NEB: variants seen among roughly 807,000 people sequenced by gnomAD.
The protein encoded by NEB is nebulin.
NEB carries 512 observed loss-of-function variants against 952.2 expected under a neutral mutation model. The observed-to-expected ratio is 0.54, with a 90% confidence interval of 0.50 to 0.58. The LOEUF (loss-of-function observed/expected upper bound fraction) is 0.58, where lower values mean the gene tolerates loss of function less well. Among genes scored for constraint, NEB ranks in the 20% least tolerant of loss-of-function variants. The pLI, the probability that NEB is intolerant of heterozygous loss-of-function variation, is 0.00. For missense variants in NEB, 8,428 were observed against 9,231.1 expected, an observed-to-expected ratio of 0.91 and a Z score of 3.56; for synonymous variants, 2,900 against 3,149.8, an observed-to-expected ratio of 0.92 and a Z score of 2.66.
chr2:151,716,298 C>G (rs2099759207), intron 10 of NEB: 1 of 285,048 alleles, frequency 3.5e-6, no homozygotes, highest in Admixed American at 4.6e-5. Flanking sequence ...GCCACCACGC[C>G]TGGCTAATTT....
intron 162 of NEB, among the ~76,000 whole-genome samples, chr2:151,507,303 C>G (rs974056250): frequency 1.2e-4 from 19 of 152,206 alleles, no homozygotes; most frequent in African/African-American, 4.6e-4. Context: ...AGTGATAGTT[C>G]ACATTCAGTA....
chr2:151,610,178 G>A, intron 80 of NEB, 58 bp from the exon 81 acceptor site: 1 of 1,338,106 alleles, frequency 7.5e-7, no homozygotes, highest in Non-Finnish European at 1.0e-6. Flanking sequence ...CTCATGTGCT[G>A]ACAATTACAG....
intron 9 of NEB, among the ~76,000 whole-genome samples, chr2:151,718,948 G>A (rs923435548): frequency 2.6e-5 from 4 of 151,992 alleles, no homozygotes; most frequent in Non-Finnish European, 5.9e-5. Context: ...GATGCTTCAC[G>A]GCCTCGTACA....
At chr2:151,534,226 G>T (rs2153521056) in intron 142 of NEB, 1 of 1,613,192 alleles carries the variant, frequency 6.2e-7, no homozygotes, top group Non-Finnish European at 8.5e-7. Context: ...TGACTGATCT[G>T]GTCGCCTGCG....
chr2:151,631,463 C>A, intron 65 of NEB, 117 bp from the exon 66 acceptor site: 3 of 1,141,102 alleles, frequency 2.6e-6, no homozygotes, highest in African/African-American at 1.6e-5. Flanking sequence ...AAAACAAGCG[C>A]GTTGTATAAG....
At chr2:151,605,819 G>T (rs2097685994) in intron 84 of NEB, among the ~76,000 whole-genome samples, 2 of 95,694 alleles carry the variant, frequency 2.1e-5, no homozygotes, top group South Asian at 5.8e-4. Flanking sequence ...TATTTTTTTT[G>T]AAACGCAGTT....
intron 162 of NEB, chr2:151,507,720 T>C: frequency 2.9e-6 from 1 of 349,904 alleles, no homozygotes; most frequent in South Asian, 6.8e-5. Context: ...AATCTGTCTT[T>C]TGTTACAGGG....
intron 23 of NEB, 43 bp downstream of exon 23, chr2:151,691,821 G>T: frequency 7.4e-7 from 1 of 1,355,586 alleles, no homozygotes; most frequent in Non-Finnish European, 1.0e-6. Flanking sequence ...GATGTCACAG[G>T]AATCCCAAGC....
At chr2:151,718,899 C>A (rs529963270) in intron 9 of NEB, among the ~76,000 whole-genome samples, 1 of 152,308 alleles carries the variant, frequency 6.6e-6, no homozygotes, top group South Asian at 2.1e-4. Flanking sequence ...TCCAACAATG[C>A]AGAACTATTC....
chr2:151,552,939 C>T (rs749807202), intron 127 of NEB, among the ~76,000 whole-genome samples, 163 bp from the exon 128 acceptor site: 32 of 152,108 alleles, frequency 2.1e-4, no homozygotes, highest in Non-Finnish European at 3.8e-4. Context: ...GTAACCAACA[C>T]TTATATGGGG....
rs1387821584 is a variant in NEB, at chr2:151,697,139, C to T, written c.1470+9G>A. ...GCAGTCACATTCAAAGTTCAGACTA[C>T]AGACTTACGTCTTTACACTGATCTA... On this transcript the variant is annotated intron_variant, in intron 16 of 181. Coordinates refer to ENST00000397345, the MANE Select transcript of NEB (RefSeq NM_001164508.2). 4 of 1,598,252 alleles carry T rather than the reference C, an allele frequency of 2.5e-6. No individual in the cohort carries two copies. The highest frequency in any genetic ancestry group is 3.4e-6 in the Non-Finnish European group (4 of 1,167,802).
chr2:151,497,116 C>G, intron 171 of NEB, 83 bp from the exon 172 acceptor site: 1 of 1,458,890 alleles, frequency 6.9e-7, no homozygotes, highest in Non-Finnish European at 9.3e-7. Flanking sequence ...GGTCAGCTTC[C>G]TTGTTAAGAC....
intron 13 of NEB, among the ~76,000 whole-genome samples, chr2:151,706,238 T>A (rs2099705742): frequency 6.6e-6 from 1 of 152,132 alleles, no homozygotes; most frequent in African/African-American, 2.4e-5. Flanking sequence ...AAAGAAAAGA[T>A]AACTAACCCA....
At chr2:151,579,048 T>C (rs536243403) in intron 105 of NEB, among the ~76,000 whole-genome samples, 1 of 116,882 alleles carries the variant, frequency 8.6e-6, no homozygotes, top group African/African-American at 3.4e-5. Flanking sequence ...ACCACTGCAC[T>C]CCAGCCTGGG....
At position 151,655,266 on chromosome 2, in the gene NEB, T is replaced by G; in HGVS notation, c.6807+4A>C. 6.7e-7 allele frequency: 1 copy of G among 1,494,680 alleles called. No homozygotes were observed. The highest frequency in any genetic ancestry group is 9.2e-7 in the Non-Finnish European group (1 of 1,087,322). 92.6% of individuals were successfully genotyped at this position (1,494,680 alleles called of 1,614,324 possible). A position where few individuals can be genotyped will look rare whatever the true frequency, so the allele number is the denominator to read the frequency against. ...ACTTAAAATTAATTTTTATATAAAT[T>G]TACCTGACTATACAGTGTTTGATTC... On this transcript the variant is annotated splice_donor_region_variant and intron_variant, in intron 51 of 181. Transcript: ENST00000397345.
At chr2:151,553,347 A>C in intron 127 of NEB, 51 bp downstream of exon 127, 3 of 1,402,872 alleles carry the variant, frequency 2.1e-6, no homozygotes, top group Non-Finnish European at 3.0e-6. Context: ...TCTTAACTCT[A>C]GACTATGGAG....
chr2:151,562,710 G>A lies in NEB; in HGVS notation c.18792C>T (p.Leu6264=). ...HVLAKRCQYI[L]SDLEYRHYFH... ...AATAGTGTCGATACTCCAGGTCACT[G>A]AGGATGTACTGGCACCTTTTAGCCA... The change falls in exon 120 of 182, where the codon CTC becomes CTT. Residue 6264 remains leucine, a synonymous_variant. Coordinates refer to ENST00000397345, the MANE Select transcript of NEB (RefSeq NM_001164508.2). 2 of 1,607,396 alleles carry A rather than the reference G, an allele frequency of 1.2e-6. No homozygotes were observed. Among genetic ancestry groups the A allele is most frequent in the Non-Finnish European group, 8.5e-7 (1 of 1,176,330 alleles).
rs766845229 is a variant in NEB at position 151,493,360 on chromosome 2, A to G, written c.24758T>C (p.Ile8253Thr). Reference sequence around the variant, plus strand: ...TTTAGTCCTAGAAAATACCGAGCTAATGTTTTCTTGGTTGCGCTTAGCTCT... The same window carrying G: ...TTTAGTCCTAGAAAATACCGAGCTAGTGTTTTCTTGGTTGCGCTTAGCTCT... ...MERAKRNQEN[I>T]SSVLYSDSFR... The change falls in exon 176 of 182, where the codon ATT becomes ACT. Residue 8253 changes from isoleucine to threonine, a missense_variant. By Grantham distance (89) the Ile-to-Thr change is moderately conservative. Coordinates refer to ENST00000397345, the MANE Select transcript of NEB (RefSeq NM_001164508.2). 6.8e-6 allele frequency: 11 copies of G among 1,609,660 alleles called. No homozygotes were observed. The highest frequency in any genetic ancestry group is 1.1e-5 in the South Asian group (1 of 90,694).
chr2:151,612,238 G>A lies in NEB; in HGVS notation c.11753C>T (p.Thr3918Ile). 6.2e-7 allele frequency: 1 copy of A among 1,613,832 alleles called. No homozygotes were observed. Among genetic ancestry groups the A allele is most frequent in the Non-Finnish European group, 8.5e-7 (1 of 1,179,828 alleles). The change falls in exon 78 of 182, where the codon ACC becomes ATC. Residue 3918 changes from threonine (T) to isoleucine (I), a missense_variant. Physicochemically the swap from Thr to Ile is moderately conservative, Grantham distance 89. Transcript: ENST00000397345. ...TGCTAGGACAATTTCCGGAGTGTCG[G>A]TAATGCATGTGAATTTGAGCTGGTC... is the stretch of plus-strand genomic sequence containing the variant. ...PADQLKFTCI[T>I]DTPEIVLAKN... is the part of the protein sequence containing the mutation.
Sources: allele counts gnomAD v4.1 joint callset (sites outside exome capture counted in the v4.1 genomes callset), GRCh38; gene constraint gnomAD v4.1.1; transcripts MANE v1.5; gene names NCBI Gene and HGNC (gene_info 2026-07-23, HGNC 2026-07-21).